SV2C: variants seen among roughly 807,000 people sequenced by gnomAD.
The protein encoded by SV2C is solute carrier family 22 member B3.
SV2C carries 49 observed loss-of-function variants against 79.7 expected under a neutral mutation model. The observed-to-expected ratio is 0.61, with a 90% CI of 0.49 to 0.78. SV2C has a LOEUF of 0.78. Among genes scored for constraint, SV2C ranks in the 30% least tolerant of loss-of-function variants. The pLI, the probability that SV2C is intolerant of heterozygous loss-of-function variation, is 0.00. For missense variants in SV2C, 833 were observed against 912.9 expected (o/e 0.91, Z 1.13); for synonymous variants, 334 against 333.2 (o/e 1.00, Z -0.03).
At chr5:75,858,384 T>C in the SV2C span, among the ~76,000 whole-genome samples, 1 of 152,236 alleles carries the variant, frequency 6.6e-6, no homozygotes. Context: ...TCCTTCATTC[T>C]GTTGATATTA....
chr5:75,852,650 G>A, the SV2C span, among the ~76,000 whole-genome samples: 1 of 151,698 alleles, frequency 6.6e-6, no homozygotes, highest in Non-Finnish European at 1.5e-5. Context: ...TATAAGAACT[G>A]CCTTCTCTAC....
chr5:75,872,064 CATATATATGAATATATATGATA>C, the SV2C span, among the ~76,000 whole-genome samples: 3 of 145,418 alleles, frequency 2.1e-5, no homozygotes, highest in Admixed American at 6.9e-5. Flanking sequence ...TTTATATATA[CATATATATGAATATATATGATA>C]ATATATATGA....
At chr5:75,971,623 A>G in the SV2C span, among the ~76,000 whole-genome samples, 9 of 152,176 alleles carry the variant, frequency 5.9e-5, no homozygotes, top group African/African-American at 1.9e-4. Flanking sequence ...TACAAGGGAC[A>G]TGAATGACCT....
At chr5:76,143,037 C>T (rs1452849682) in intron 2 of SV2C, among the ~76,000 whole-genome samples, 1 of 152,020 alleles carries the variant, frequency 6.6e-6, no homozygotes, top group Admixed American at 6.6e-5. Context: ...GCTGGGGTTA[C>T]AGGCACCTGC....
chr5:76,035,643 C>G, the SV2C span, among the ~76,000 whole-genome samples: 2 of 151,940 alleles, frequency 1.3e-5, no homozygotes, highest in East Asian at 1.9e-4. Context: ...TTTTACATTT[C>G]CTGAGGAGAG....
intron 1 of SV2C, among the ~76,000 whole-genome samples, chr5:76,112,326 C>A: frequency 6.6e-6 from 1 of 152,096 alleles, no homozygotes; most frequent in African/African-American, 2.4e-5. Context: ...GAAAGAACAC[C>A]AAAAGGAAGT....
At chr5:75,987,430 C>T in the SV2C span, among the ~76,000 whole-genome samples, 4 of 151,866 alleles carry the variant, frequency 2.6e-5, no homozygotes, top group Admixed American at 1.3e-4. Context: ...ATCTATCTTG[C>T]AACTATGAGG....
the SV2C span, among the ~76,000 whole-genome samples, chr5:75,897,804 C>T: frequency 1.3e-5 from 2 of 151,870 alleles, no homozygotes; most frequent in Non-Finnish European, 2.9e-5. Context: ...AGTTGGATTC[C>T]TAGGTATTTT....
the SV2C span, among the ~76,000 whole-genome samples, chr5:75,969,870 A>G: frequency 6.6e-6 from 1 of 152,120 alleles, no homozygotes; most frequent in Non-Finnish European, 1.5e-5. Context: ...CAGAATATAC[A>G]TTCTTCTCAG....
chr5:76,107,804 G>C (rs1747970010), intron 1 of SV2C, among the ~76,000 whole-genome samples: 1 of 152,066 alleles, frequency 6.6e-6, no homozygotes, highest in South Asian at 2.1e-4. Flanking sequence ...AGTGAGCCAA[G>C]ATCACACTAC....
At chr5:76,030,983 C>A in the SV2C span, among the ~76,000 whole-genome samples, 1 of 152,050 alleles carries the variant, frequency 6.6e-6, no homozygotes, top group South Asian at 2.1e-4. Flanking sequence ...ATCAACTAAA[C>A]AATAGAGCAT....
the SV2C span, among the ~76,000 whole-genome samples, chr5:75,883,317 T>A: frequency 7.7e-5 from 11 of 143,640 alleles, no homozygotes; most frequent in African/African-American, 3.1e-4. Flanking sequence ...GAAATACCAT[T>A]TGACCCAGCT....
chr5:76,242,374 G>T, intron 4 of SV2C: 3 of 977,412 alleles, frequency 3.1e-6, no homozygotes, highest in Admixed American at 2.0e-5. Context: ...CGGACCGGGG[G>T]TCGTTCTCGC....
the SV2C span, among the ~76,000 whole-genome samples, chr5:76,039,470 T>C: frequency 6.6e-6 from 1 of 152,074 alleles, no homozygotes; most frequent in African/African-American, 2.4e-5. Context: ...AGAAAAGAAA[T>C]TGAGGCCAGG....
chr5:76,229,409 T>C (rs147924223), intron 4 of SV2C, among the ~76,000 whole-genome samples: 1 of 152,374 alleles, frequency 6.6e-6, no homozygotes, highest in Non-Finnish European at 1.5e-5. Flanking sequence ...CGATGAACTA[T>C]TCCTTCCAGG....
At chr5:75,916,056 A>G in the SV2C span, among the ~76,000 whole-genome samples, 3,626 of 152,246 alleles carry the variant, frequency 0.024, 149 homozygotes, top group African/African-American at 0.084. Flanking sequence ...GGCAATAGAG[A>G]ATTACTTACA....
At chr5:76,284,211 A>C (rs1244953429) in intron 4 of SV2C, among the ~76,000 whole-genome samples, 1 of 152,100 alleles carries the variant, frequency 6.6e-6, no homozygotes, top group African/African-American at 2.4e-5. Flanking sequence ...TTCAAATATT[A>C]GCTTTCTTTT....
At chr5:76,352,450 T>C (rs1749659984) in intron 12 of SV2C, among the ~76,000 whole-genome samples, 1 of 152,198 alleles carries the variant, frequency 6.6e-6, no homozygotes, top group Admixed American at 6.5e-5. Flanking sequence ...GGATTAACGT[T>C]ATCTCAAGAG....
chr5:75,950,962 G>C, the SV2C span, among the ~76,000 whole-genome samples: 4 of 151,894 alleles, frequency 2.6e-5, no homozygotes, highest in Non-Finnish European at 5.9e-5. Flanking sequence ...TAAAATGAGG[G>C]AAATTAGTAA....
Sources: allele counts gnomAD v4.1 joint callset (sites outside exome capture counted in the v4.1 genomes callset), GRCh38; gene constraint gnomAD v4.1.1; transcripts MANE v1.5; gene names NCBI Gene and HGNC (gene_info 2026-07-23, HGNC 2026-07-21).